The following SGCZ variants were observed in gnomAD, a reference collection of about 807,000 sequenced individuals.
SGCZ encodes sarcoglycan zeta, also known as zeta-sarcoglycan.
A neutral mutation model predicts 41.3 loss-of-function variants in SGCZ; 40 were observed. The ratio of observed to expected loss-of-function variants is 0.97; its 90% CI spans 0.75 to 1.26. The LOEUF (loss-of-function observed/expected upper bound fraction) is 1.26. SGCZ is among the 50% of genes most tolerant of loss of function. SGCZ has a pLI of 0.00. For missense variants in SGCZ, 552 were observed against 369.8 expected (o/e 1.49, Z -4.04); for synonymous variants, 206 against 137.5 (o/e 1.50, Z -3.49).
At chr8:14,483,771 T>A (rs1322455924) in intron 2 of SGCZ, among the ~76,000 whole-genome samples, 2 of 152,164 alleles carry the variant, frequency 1.3e-5, no homozygotes, top group Non-Finnish European at 2.9e-5. Context: ...TTAACATATA[T>A]AAAATACTAT....
intron 3 of SGCZ, among the ~76,000 whole-genome samples, chr8:14,313,529 C>T (rs1460991813): frequency 1.3e-5 from 2 of 152,098 alleles, no homozygotes; most frequent in African/African-American, 4.8e-5. Flanking sequence ...GTTGGCCAGA[C>T]TGGTCTCAAA....
chr8:14,247,052 T>C (rs1799122066), intron 3 of SGCZ, among the ~76,000 whole-genome samples: 1 of 152,184 alleles, frequency 6.6e-6, no homozygotes, highest in Admixed American at 6.5e-5. Context: ...GCTGTTTACC[T>C]GACTTCCTTG....
chr8:14,545,597 A>T (rs1223551362), intron 2 of SGCZ, among the ~76,000 whole-genome samples: 1 of 152,180 alleles, frequency 6.6e-6, no homozygotes, highest in African/African-American at 2.4e-5. Context: ...CACATATTTC[A>T]TAAAGTTCAA....
intron 5 of SGCZ, among the ~76,000 whole-genome samples, chr8:14,144,798 T>C (rs1336217834): frequency 1.3e-5 from 2 of 152,052 alleles, no homozygotes; most frequent in Non-Finnish European, 2.9e-5. Context: ...CATAAGCTGA[T>C]ATAAGAGTCC....
At chr8:14,426,163 A>T (rs1245509378) in intron 2 of SGCZ, among the ~76,000 whole-genome samples, 1 of 152,188 alleles carries the variant, frequency 6.6e-6, no homozygotes, top group Non-Finnish European at 1.5e-5. Flanking sequence ...CTAATAAAAA[A>T]TAAGCAAATT....
chr8:14,792,491 C>T (rs1310988879), intron 1 of SGCZ, among the ~76,000 whole-genome samples: 1 of 152,092 alleles, frequency 6.6e-6, no homozygotes, highest in African/African-American at 2.4e-5. Flanking sequence ...TCACAATAAT[C>T]TTCAAATTGT....
intron 3 of SGCZ, among the ~76,000 whole-genome samples, chr8:14,268,573 T>C (rs1799954328): frequency 6.6e-6 from 1 of 151,892 alleles, no homozygotes. Flanking sequence ...TAGGGGATAG[T>C]ATTTAAACAA....
At chr8:15,001,728 C>CAAAAAAAAAAAAAAAAAAAAAAAATA (rs1223307583) in intron 1 of SGCZ, among the ~76,000 whole-genome samples, 1 of 81,046 alleles carries the variant, frequency 1.2e-5, no homozygotes, top group African/African-American at 4.2e-5. Context: ...GACTCCGTCT[C>CAAAAAAAAAAAAAAAAAAAAAAAATA]AAAAAAAAAA....
At chr8:14,880,776 G>T (rs553086077) in intron 1 of SGCZ, among the ~76,000 whole-genome samples, 4 of 152,028 alleles carry the variant, frequency 2.6e-5, no homozygotes, top group Non-Finnish European at 4.4e-5. Context: ...ACACAGGAAG[G>T]GGAACACCAG....
At chr8:14,772,086 A>T (rs1375671404) in intron 1 of SGCZ, among the ~76,000 whole-genome samples, 3 of 152,124 alleles carry the variant, frequency 2.0e-5, no homozygotes, top group Admixed American at 6.6e-5. Flanking sequence ...TTTCACTTTC[A>T]ATATAGTATT....
intron 1 of SGCZ, among the ~76,000 whole-genome samples, chr8:14,793,943 G>A (rs1383393836): frequency 6.6e-6 from 1 of 152,080 alleles, no homozygotes; most frequent in African/African-American, 2.4e-5. Flanking sequence ...CTCCCACTTG[G>A]CTTCTAGTAC....
chr8:14,214,411 G>A (rs1268798045), intron 4 of SGCZ, among the ~76,000 whole-genome samples: 1 of 152,020 alleles, frequency 6.6e-6, no homozygotes, highest in Non-Finnish European at 1.5e-5. Context: ...CAGGAAATTT[G>A]AATATACTAT....
intron 1 of SGCZ, among the ~76,000 whole-genome samples, chr8:14,684,481 TGTA>T (rs1245516663): frequency 6.6e-6 from 1 of 152,166 alleles, no homozygotes; most frequent in Non-Finnish European, 1.5e-5. Flanking sequence ...TTTGGGACAT[TGTA>T]GTGAGTTGGC....
chr8:15,211,633 T>C (rs1801239766), intron 1 of SGCZ, among the ~76,000 whole-genome samples: 1 of 152,152 alleles, frequency 6.6e-6, no homozygotes, highest in African/African-American at 2.4e-5. Flanking sequence ...AACAATATCA[T>C]ACCTTCTTCT....
chr8:14,717,988 T>C (rs758810229), intron 1 of SGCZ, among the ~76,000 whole-genome samples: 120 of 146,460 alleles, frequency 8.2e-4, no homozygotes, highest in Middle Eastern at 7.0e-3. Flanking sequence ...ATGTAAATTC[T>C]AAAATAAGAT....
intron 4 of SGCZ, among the ~76,000 whole-genome samples, chr8:14,234,097 C>T (rs1000095547): frequency 2.0e-4 from 31 of 151,952 alleles, no homozygotes; most frequent in African/African-American, 7.2e-4. Flanking sequence ...TTCATAAAGC[C>T]TGGAACTTCA....
At chr8:15,235,894 T>G (rs1802103507) in intron 1 of SGCZ, among the ~76,000 whole-genome samples, 1 of 152,184 alleles carries the variant, frequency 6.6e-6, no homozygotes, top group Non-Finnish European at 1.5e-5. Flanking sequence ...GCATCTCAGA[T>G]AAAACCTACC....
chr8:14,958,234 T>G (rs1800854784), intron 1 of SGCZ, among the ~76,000 whole-genome samples: 1 of 152,004 alleles, frequency 6.6e-6, no homozygotes, highest in African/African-American at 2.4e-5. Flanking sequence ...GACCCAAGTT[T>G]ACCCTCCTAG....
intron 5 of SGCZ, among the ~76,000 whole-genome samples, chr8:14,145,823 A>C (rs74969010): frequency 1.3e-5 from 2 of 152,216 alleles, no homozygotes; most frequent in African/African-American, 4.8e-5. Flanking sequence ...AACACATTAG[A>C]GTTCTTTAAT....
Sources: gnomAD v4.1 joint callset for allele counts (sites outside exome capture counted in the v4.1 genomes callset) on GRCh38, gnomAD v4.1.1 for gene constraint, MANE v1.5 for transcripts, NCBI Gene and HGNC (gene_info 2026-07-23, HGNC 2026-07-21) for gene names.